Variants in TAF4B observed in about 807,000 individuals in gnomAD.
The protein encoded by TAF4B is TATA-box binding protein associated factor 4b.
TAF4B carries 38 observed loss-of-function variants against 86.4 expected under a neutral mutation model. The ratio of observed to expected loss-of-function variants is 0.44; its 90% CI spans 0.34 to 0.58. The LOEUF (loss-of-function observed/expected upper bound fraction) is 0.58, where lower values mean the gene tolerates loss of function less well. Ranked by LOEUF, TAF4B falls within the 20% of genes least tolerant of loss-of-function variation. The probability of loss-of-function intolerance (pLI) is 0.02; values close to 1 mark genes in which losing one functional copy is unlikely to be tolerated. For synonymous variants in TAF4B, 388 were observed against 391.2 expected, an observed-to-expected ratio of 0.99 and a Z score of 0.10; for missense variants, 988 against 1,027.6, an observed-to-expected ratio of 0.96 and a Z score of 0.53.
intron 13 of TAF4B, among the ~76,000 whole-genome samples, chr18:26,346,150 T>G (rs1404590849): frequency 6.7e-6 from 1 of 149,864 alleles, no homozygotes; most frequent in Non-Finnish European, 1.5e-5. Flanking sequence ...ATGAGAAATC[T>G]AATAATGAGA....
At chr18:26,278,481 A>AT (rs1040477220) in intron 5 of TAF4B, among the ~76,000 whole-genome samples, 1 of 151,758 alleles carries the variant, frequency 6.6e-6, no homozygotes, top group African/African-American at 2.4e-5. Flanking sequence ...GTTTTAAAAT[A>AT]TTTTTTTGTA....
intron 9 of TAF4B, among the ~76,000 whole-genome samples, chr18:26,307,271 G>T (rs1039715189): frequency 1.1e-5 from 1 of 91,662 alleles, no homozygotes; most frequent in South Asian, 2.6e-4. Flanking sequence ...TACACTTTTC[G>T]GGGGGATTCA....
intron 14 of TAF4B, among the ~76,000 whole-genome samples, chr18:26,360,901 C>T (rs909258952): frequency 6.6e-6 from 1 of 152,090 alleles, no homozygotes; most frequent in African/African-American, 2.4e-5. Flanking sequence ...ATATGGCTGT[C>T]GAGATCTTGA....
At chr18:26,384,613 G>A (rs2144397498) in intron 14 of TAF4B, among the ~76,000 whole-genome samples, 1 of 152,308 alleles carries the variant, frequency 6.6e-6, no homozygotes, top group Admixed American at 6.5e-5. Flanking sequence ...GAGATAATAG[G>A]ACCTAGGTAG....
chr18:26,244,230 T>G (rs2055886719), intron 1 of TAF4B, among the ~76,000 whole-genome samples: 1 of 152,162 alleles, frequency 6.6e-6, no homozygotes, highest in Non-Finnish European at 1.5e-5. Flanking sequence ...TCCACCCAGT[T>G]CAAGCTCCCC....
chr18:26,321,219 G>A lies in TAF4B; in HGVS notation c.2133+19G>A. 1 of 1,613,092 alleles carries A rather than the reference G, an allele frequency of 6.2e-7. No homozygotes were observed. ...TTACAAGGTAAAGGAAATCATTAAA[G>A]AAGTATAAACTCTCGAGTGTTATAG... On this transcript the variant is annotated intron_variant, in intron 11 of 14. Coordinates refer to ENST00000269142, the MANE Select transcript of TAF4B (RefSeq NM_005640.3).
intron 14 of TAF4B, among the ~76,000 whole-genome samples, chr18:26,385,678 C>CAT (rs1978328399): frequency 2.4e-5 from 1 of 41,340 alleles, no homozygotes; most frequent in East Asian, 1.4e-3. Context: ...GAATAAACAG[C>CAT]GTTTTTTTTT....
chr18:26,284,027 TG>T (rs1366848636), intron 6 of TAF4B, among the ~76,000 whole-genome samples: 1 of 151,034 alleles, frequency 6.6e-6, no homozygotes, highest in Non-Finnish European at 1.5e-5. Context: ...CACTGTAGCC[TG>T]GGTGACAAGA....
intron 12 of TAF4B, among the ~76,000 whole-genome samples, chr18:26,328,551 T>C (rs2057025217): frequency 6.6e-6 from 1 of 152,182 alleles, no homozygotes; most frequent in Non-Finnish European, 1.5e-5. Flanking sequence ...TACAAAGTAC[T>C]CTCAGTCCCC....
At chr18:26,387,219 C>T (rs528202614) in intron 14 of TAF4B, among the ~76,000 whole-genome samples, 3 of 152,248 alleles carry the variant, frequency 2.0e-5, no homozygotes, top group South Asian at 2.1e-4. Context: ...ACGCACACCA[C>T]CATGCCTGGC....
At chr18:26,388,583 T>G (rs1360773057) in intron 14 of TAF4B, among the ~76,000 whole-genome samples, 1 of 152,206 alleles carries the variant, frequency 6.6e-6, no homozygotes, top group Non-Finnish European at 1.5e-5. Flanking sequence ...GAAGGACAGG[T>G]AGACCCATTT....
chr18:26,302,442 A>G (rs1479953182), intron 9 of TAF4B, among the ~76,000 whole-genome samples: 5 of 135,676 alleles, frequency 3.7e-5, no homozygotes, highest in Non-Finnish European at 6.0e-5. Context: ...TGGCACTATC[A>G]TGCCTCACTG....
At chr18:26,261,911 T>C (rs2056173263) in intron 1 of TAF4B, among the ~76,000 whole-genome samples, 1 of 152,144 alleles carries the variant, frequency 6.6e-6, no homozygotes, top group South Asian at 2.1e-4. Context: ...TAGGGAGATA[T>C]TGGGAGCAGA....
intron 1 of TAF4B, among the ~76,000 whole-genome samples, chr18:26,263,040 T>A (rs2056192234): frequency 6.6e-6 from 1 of 152,208 alleles, no homozygotes; most frequent in Admixed American, 6.5e-5. Context: ...AGCCTTGAAC[T>A]TTTGGGCTCA....
At chr18:26,325,414 G>C (rs980328722) in intron 11 of TAF4B, among the ~76,000 whole-genome samples, 1 of 152,056 alleles carries the variant, frequency 6.6e-6, no homozygotes, top group African/African-American at 2.4e-5. Context: ...AGGCCAGCTG[G>C]GTATATAGGA....
chr18:26,278,731 T>A (rs1013297753), intron 5 of TAF4B, among the ~76,000 whole-genome samples: 1 of 152,042 alleles, frequency 6.6e-6, no homozygotes, highest in Non-Finnish European at 1.5e-5. Context: ...TTGCACCATG[T>A]GTGCAAACAT....
At chr18:26,305,134 G>A (rs779325559) in intron 9 of TAF4B, among the ~76,000 whole-genome samples, 3 of 152,014 alleles carry the variant, frequency 2.0e-5, no homozygotes, top group Non-Finnish European at 2.9e-5. Flanking sequence ...CGTATTATGA[G>A]CCCAGAATGA....
intron 13 of TAF4B, among the ~76,000 whole-genome samples, chr18:26,337,476 T>G (rs1233665564): frequency 6.9e-6 from 1 of 145,866 alleles, no homozygotes; most frequent in Non-Finnish European, 1.5e-5. Context: ...CAGGCTGGAG[T>G]GCAGTGGCAT....
intron 14 of TAF4B, among the ~76,000 whole-genome samples, chr18:26,386,491 A>G (rs970585742): frequency 2.6e-5 from 4 of 152,184 alleles, no homozygotes; most frequent in Admixed American, 6.5e-5. Context: ...TTTTCACAGC[A>G]TGAACACATT....
Sources: allele counts gnomAD v4.1 joint callset (sites outside exome capture counted in the v4.1 genomes callset), GRCh38; gene constraint gnomAD v4.1.1; transcripts MANE v1.5; gene names NCBI Gene and HGNC (gene_info 2026-07-23, HGNC 2026-07-21).